Variants in LIMK1 observed in about 807,000 individuals in gnomAD.
The protein encoded by LIMK1 is LIM motif-containing protein kinase.
A neutral mutation model predicts 77.6 loss-of-function variants in LIMK1; 21 were observed. The observed-to-expected ratio is 0.27, with a 90% CI of 0.19 to 0.39. LIMK1 has a LOEUF of 0.39. Ranked by LOEUF, LIMK1 falls within the 10% of genes least tolerant of loss-of-function variation. The pLI, the probability that LIMK1 is intolerant of heterozygous loss-of-function variation, is 1.00. For synonymous variants in LIMK1, 358 were observed against 370.0 expected, an observed-to-expected ratio of 0.97 and a Z score of 0.37; for missense variants, 696 against 901.6, an observed-to-expected ratio of 0.77 and a Z score of 2.92.
intron 10 of LIMK1, 110 bp downstream of exon 10, chr7:74,109,146 A>C: frequency 4.7e-6 from 4 of 854,566 alleles, no homozygotes; most frequent in Non-Finnish European, 5.7e-6. Context: ...CAGGGGTCTC[A>C]AAGGCCCTCT....
At chr7:74,106,395 A>C in intron 7 of LIMK1, 152 bp downstream of exon 7, 1 of 775,064 alleles carries the variant, frequency 1.3e-6, no homozygotes. Context: ...TCATCACACC[A>C]CTGCTCTCCA....
At chr7:74,099,331 G>A in intron 5 of LIMK1, 93 bp downstream of exon 5, 1 of 1,278,872 alleles carries the variant, frequency 7.8e-7, no homozygotes, top group Non-Finnish European at 1.1e-6. Flanking sequence ...GAAAATGAAT[G>A]GGCGAGTGTT....
chr7:74,111,292 G>A (rs782142054), intron 10 of LIMK1: 1 of 243,654 alleles, frequency 4.1e-6, no homozygotes, highest in Non-Finnish European at 8.1e-6. Context: ...CAAAAAATTA[G>A]CTGGGTGTGG....
At chr7:74,120,694 C>T (rs373280511) in intron 14 of LIMK1, 56 bp downstream of exon 14, 16 of 1,594,942 alleles carry the variant, frequency 1.0e-5, no homozygotes, top group South Asian at 7.7e-5. Context: ...CCCCACTCAC[C>T]CAGGCTGCAG....
At chr7:74,120,676 G>C (rs1033879444) in intron 14 of LIMK1, 38 bp downstream of exon 14, 2 of 1,609,092 alleles carry the variant, frequency 1.2e-6, no homozygotes, top group African/African-American at 2.7e-5. Flanking sequence ...GTTGAGGCCT[G>C]GGCTCCTCCC....
intron 15 of LIMK1, 29 bp downstream of exon 15, chr7:74,121,078 G>A (rs1326537667): frequency 6.3e-7 from 1 of 1,595,462 alleles, no homozygotes; most frequent in Non-Finnish European, 8.6e-7. Flanking sequence ...TGGCCTGGGA[G>A]ACGGTGGGGC....
At chr7:74,104,657 G>C (rs782175676) in intron 5 of LIMK1, among the ~76,000 whole-genome samples, 8 of 151,956 alleles carry the variant, frequency 5.3e-5, no homozygotes, top group Non-Finnish European at 1.2e-4. Context: ...AGAAAACCAG[G>C]TCCCTAACAC....
rs537450718 is a variant in LIMK1, at chr7:74,120,099, G to C, written c.1568-484G>C. ...CAGTCTCCACCCCTGTCTTCACAGGGCCACCTCCTCCTCTTCTGCTGTGTC... is the reference window on the plus strand; with the variant it reads ...CAGTCTCCACCCCTGTCTTCACAGGCCCACCTCCTCCTCTTCTGCTGTGTC... On this transcript the variant is annotated intron_variant, in intron 13 of 15. Coordinates refer to ENST00000336180, the MANE Select transcript of LIMK1 (RefSeq NM_002314.4). Among the ~76,000 whole-genome samples, 3 of 152,172 alleles carry C rather than the reference G, an allele frequency of 2.0e-5. 1 individual carries two copies. Among genetic ancestry groups the C allele is most frequent in the Admixed American group, 1.3e-4 (2 of 15,270 alleles).
Position 74,108,936 on chromosome 7 carries a change from A to C in LIMK1, c.1184A>C (p.Asn395Thr). 6.2e-7 allele frequency: 1 copy of C among 1,614,068 alleles called. No individual in the cohort carries two copies. Among genetic ancestry groups the C allele is most frequent in the Non-Finnish European group, 8.5e-7 (1 of 1,179,972 alleles). Residue 395 changes from asparagine (N) to threonine (T), a missense_variant, in exon 10 of 16, where the codon AAC becomes ACC. By Grantham distance (65) the Asn-to-Thr change is moderately conservative. Around this residue, in one of 3 missense-constraint regions of LIMK1, gnomAD observed 438 missense variants for 602.3 expected, o/e 0.73. Coordinates refer to ENST00000336180, the MANE Select transcript of LIMK1 (RefSeq NM_002314.4). The stretch of plus-strand genomic sequence containing the variant: ...GTCATGCGATGCCTGGAACACCCCA[A>C]CGTGCTCAAGTTCATCGGGGTGCTC... ...VKVMRCLEHP[N>T]VLKFIGVLYK...
intron 4 of LIMK1, among the ~76,000 whole-genome samples, chr7:74,098,461 C>T (rs1442743725): frequency 6.6e-6 from 1 of 152,194 alleles, no homozygotes; most frequent in African/African-American, 2.4e-5. Context: ...CTTACAGGAT[C>T]ACAGCGAGTA....
At chr7:74,112,779 C>T (rs1332470280) in intron 12 of LIMK1, among the ~76,000 whole-genome samples, 4 of 151,384 alleles carry the variant, frequency 2.6e-5, no homozygotes, top group Admixed American at 6.6e-5. Flanking sequence ...GAGCCAAGAT[C>T]GCGCCACCGC....
chr7:74,096,572 A>T, intron 2 of LIMK1, 50 bp from the exon 3 acceptor site: 1 of 1,610,356 alleles, frequency 6.2e-7, no homozygotes, highest in Non-Finnish European at 8.5e-7. Flanking sequence ...GGCCCAGGTG[A>T]GGTGGAGGAG....
At chr7:74,112,420 T>C (rs967865615) in intron 12 of LIMK1, among the ~76,000 whole-genome samples, 1 of 152,104 alleles carries the variant, frequency 6.6e-6, no homozygotes, top group Non-Finnish European at 1.5e-5. Context: ...CAGGGCAGGC[T>C]TCCTGAAAGA....
At chr7:74,112,492 A>G (rs1258238327) in intron 12 of LIMK1, among the ~76,000 whole-genome samples, 1 of 151,808 alleles carries the variant, frequency 6.6e-6, no homozygotes, top group Non-Finnish European at 1.5e-5. Context: ...AGGCCGAGGC[A>G]GGCGGATCAC....
chr7:74,105,921 G>A lies in LIMK1; in HGVS notation c.655G>A (p.Val219Ile), dbSNP rs782623734. 3.2e-5 allele frequency: 52 copies of A among 1,613,944 alleles called. No homozygotes were observed. Among genetic ancestry groups the A allele is most frequent in the Admixed American group, 3.0e-4 (18 of 59,966 alleles). Residue 219 changes from valine to isoleucine, a missense_variant, in exon 6 of 16, where the codon GTC (valine) becomes ATC (isoleucine). This residue lies in a region of LIMK1 where 6 missense variants were observed against 19.9 expected (regional missense o/e 0.30). Coordinates refer to ENST00000336180, the MANE Select transcript of LIMK1 (RefSeq NM_002314.4). ...CCCAGATGTGAAGAATTCCATCCAC[G>A]TCGGAGACCGGATCTTGGAAATCAA... Reference protein sequence around the residue: ...MSPDVKNSIHVGDRILEINGT... With the variant: ...MSPDVKNSIHIGDRILEINGT...
At chr7:74,085,658 G>A (rs1161560135) in intron 1 of LIMK1, 90 bp from the exon 2 acceptor site, 2 of 953,234 alleles carry the variant, frequency 2.1e-6, no homozygotes, top group African/African-American at 1.6e-5. Flanking sequence ...TGGTGCAGGT[G>A]TAGGTATATG....
chr7:74,103,426 A>C (rs1437583437), intron 5 of LIMK1, among the ~76,000 whole-genome samples: 1 of 152,010 alleles, frequency 6.6e-6, no homozygotes, highest in Non-Finnish European at 1.5e-5. Flanking sequence ...CCTCTTAGGG[A>C]GACAGGCTCT....
intron 12 of LIMK1, among the ~76,000 whole-genome samples, chr7:74,113,463 T>G (rs1554698928): frequency 6.6e-6 from 1 of 152,010 alleles, no homozygotes; most frequent in East Asian, 1.9e-4. Context: ...CTGTTTCTAC[T>G]AAAAATTCAA....
At chr7:74,120,774 G>T (rs2115772255) in intron 14 of LIMK1, 118 bp from the exon 15 acceptor site, 2 of 1,532,690 alleles carry the variant, frequency 1.3e-6, no homozygotes, top group Non-Finnish European at 1.8e-6. Flanking sequence ...CCCCCATGGG[G>T]TACTGCAGTC....
Sources: gnomAD v4.1 joint callset for allele counts (sites outside exome capture counted in the v4.1 genomes callset) on GRCh38, gnomAD v4.1.1 for gene constraint, gnomAD v4.1.1 regional missense constraint, MANE v1.5 for transcripts, NCBI Gene and HGNC (gene_info 2026-07-23, HGNC 2026-07-21) for gene names.